MFHAS1: variants seen among roughly 807,000 people sequenced by gnomAD.
MFHAS1 encodes the protein multifunctional ROCO family signaling regulator 1.
Under a neutral mutation model 70.4 loss-of-function variants are expected in MFHAS1, and 50 were observed. That is an observed-to-expected ratio of 0.71 (90% CI 0.57 to 0.90). The LOEUF (loss-of-function observed/expected upper bound fraction) is 0.90, where lower values mean the gene tolerates loss of function less well. Ranked by LOEUF, MFHAS1 falls within the 40% of genes least tolerant of loss-of-function variation. The pLI is 0.00. For synonymous variants in MFHAS1, 952 were observed against 620.0 expected, an observed-to-expected ratio of 1.54 and a Z score of -7.96; for missense variants, 1,795 against 1,347.6, an observed-to-expected ratio of 1.33 and a Z score of -5.20.
chr8:8,885,094 T>C (rs1386591567), intron 1 of MFHAS1, among the ~76,000 whole-genome samples: 3 of 152,112 alleles, frequency 2.0e-5, no homozygotes, highest in African/African-American at 4.8e-5. Context: ...ATCAAAGATA[T>C]ATCATGACGC....
intron 1 of MFHAS1, among the ~76,000 whole-genome samples, chr8:8,805,479 G>T (rs945995690): frequency 6.6e-6 from 1 of 152,186 alleles, no homozygotes; most frequent in African/African-American, 2.4e-5. Flanking sequence ...TCATTAAGTG[G>T]AAGTAGACCA....
At chr8:8,786,108 A>C in intron 2 of MFHAS1, 53 bp from the exon 3 acceptor site, 6 of 1,469,630 alleles carry the variant, frequency 4.1e-6, no homozygotes, top group Non-Finnish European at 5.7e-6. Flanking sequence ...GTACTGGACA[A>C]TGCTACCCTC....
chr8:8,860,899 G>A (rs539067100), intron 1 of MFHAS1, among the ~76,000 whole-genome samples: 5 of 152,056 alleles, frequency 3.3e-5, no homozygotes, highest in South Asian at 4.2e-4. Flanking sequence ...GTATACATAC[G>A]TATACAAACC....
intron 1 of MFHAS1, among the ~76,000 whole-genome samples, chr8:8,824,397 G>C (rs1224930660): frequency 6.6e-6 from 1 of 152,086 alleles, no homozygotes; most frequent in Non-Finnish European, 1.5e-5. Context: ...TTTAGCCTCA[G>C]AAAAGATCCA....
At chr8:8,823,078 C>A (rs1433549812) in intron 1 of MFHAS1, among the ~76,000 whole-genome samples, 2 of 152,190 alleles carry the variant, frequency 1.3e-5, no homozygotes, top group Non-Finnish European at 2.9e-5. Context: ...CAGAGATTCT[C>A]TTCCCCATCC....
chr8:8,862,568 AG>A (rs922948634), intron 1 of MFHAS1, among the ~76,000 whole-genome samples: 1 of 152,184 alleles, frequency 6.6e-6, no homozygotes, highest in Non-Finnish European at 1.5e-5. Flanking sequence ...GTCTGCTGTT[AG>A]GGGGTGGAGG....
At chr8:8,846,328 AGTAGGAG>A (rs1808036728) in intron 1 of MFHAS1, among the ~76,000 whole-genome samples, 1 of 70,242 alleles carries the variant, frequency 1.4e-5, no homozygotes, top group Admixed American at 2.1e-4. Flanking sequence ...GAGAAGGAGG[AGTAGGAG>A]GGGGAGGAGG....
In MFHAS1 at chr8:8,865,978, C is replaced by T. The variant is rs553580267; in HGVS notation, c.2998+24083G>A. On this transcript the variant is annotated intron_variant, in intron 1 of 2. Coordinates refer to ENST00000276282, the MANE Select transcript of MFHAS1 (RefSeq NM_004225.3). ...GCCTACTCTCCTGACAGTGCAGCCA[C>T]GGAAAAAGTGCCAAAGCATGCCAAC... Among the ~76,000 whole-genome samples the T allele has an allele frequency of 1.7e-4, 26 of 152,290 alleles. No individual in the cohort carries two copies. In the South Asian group the frequency reaches 1.9e-3, roughly 11 times the overall value.
rs1809968812 is a variant in MFHAS1, at chr8:8,890,689, C to G, written c.2370G>C (p.Glu790Asp). 6.2e-7 allele frequency: 1 copy of G among 1,613,578 alleles called. No individual in the cohort carries two copies. Among genetic ancestry groups the G allele is most frequent in the Non-Finnish European group, 8.5e-7 (1 of 1,179,764 alleles). The change falls in exon 1 of 3, where the codon GAG becomes GAC. Residue 790 changes from glutamate to aspartate, a missense_variant. Transcript: ENST00000276282. Reference protein sequence around the residue: ...LRATQLHQYVEGFLLHGLLPA... With the variant: ...LRATQLHQYVDGFLLHGLLPA... ...GCAAGAGCCCATGCAACAGAAAGCC[C>G]TCCACATACTGATGGAGCTGGGTGG...
In MFHAS1 at chr8:8,867,758, C is replaced by T. The variant is rs138361066; in HGVS notation, c.2998+22303G>A. Among the ~76,000 whole-genome samples, 409 of 152,048 alleles carry T rather than the reference C, an allele frequency of 2.7e-3. 5 individuals carry two copies. Among genetic ancestry groups the T allele is most frequent in the African/African-American group, 9.6e-3 (396 of 41,458 alleles). On this transcript the variant is annotated intron_variant, in intron 1 of 2. Coordinates refer to ENST00000276282, the MANE Select transcript of MFHAS1 (RefSeq NM_004225.3). The stretch of plus-strand genomic sequence containing the variant: ...ATTTTTACTAGAGACGGGGTTTCAC[C>T]GTGTTAGGCAGGATTGTCTCGATCT...
intron 1 of MFHAS1, among the ~76,000 whole-genome samples, chr8:8,865,367 G>C (rs1487077627): frequency 1.3e-5 from 2 of 150,092 alleles, no homozygotes; most frequent in Non-Finnish European, 3.0e-5. Flanking sequence ...GCTCCACTTA[G>C]TTTAAGAAAC....
chr8:8,882,297 G>A (rs911582871), intron 1 of MFHAS1, among the ~76,000 whole-genome samples: 3 of 152,196 alleles, frequency 2.0e-5, no homozygotes, highest in Non-Finnish European at 4.4e-5. Flanking sequence ...GGCTGGGGCA[G>A]GAGAATCACT....
At chr8:8,798,493 A>C (rs1159583289) in intron 1 of MFHAS1, among the ~76,000 whole-genome samples, 1 of 151,880 alleles carries the variant, frequency 6.6e-6, no homozygotes, top group Non-Finnish European at 1.5e-5. Context: ...ATCTGGCTAA[A>C]TGTTAACCTT....
chr8:8,787,461 C>T (rs1172828988), intron 2 of MFHAS1, among the ~76,000 whole-genome samples: 1 of 152,122 alleles, frequency 6.6e-6, no homozygotes, highest in East Asian at 1.9e-4. Flanking sequence ...AGTGACAGAG[C>T]CAGGCCTTTC....
intron 1 of MFHAS1, among the ~76,000 whole-genome samples, chr8:8,850,995 A>G (rs551186286): frequency 6.6e-6 from 1 of 152,158 alleles, no homozygotes; most frequent in Non-Finnish European, 1.5e-5. Context: ...CACCCTGGGC[A>G]CTACACCTGC....
At chr8:8,835,431 T>C (rs1383857433) in intron 1 of MFHAS1, among the ~76,000 whole-genome samples, 1 of 152,212 alleles carries the variant, frequency 6.6e-6, no homozygotes, top group African/African-American at 2.4e-5. Flanking sequence ...ATACCCATCA[T>C]GCAGCCGCCA....
intron 1 of MFHAS1, among the ~76,000 whole-genome samples, chr8:8,861,428 A>G (rs763136656): frequency 7.2e-5 from 11 of 152,258 alleles, no homozygotes; most frequent in Non-Finnish European, 2.9e-5. Context: ...AAATCTGGAT[A>G]TATCTCCAAC....
chr8:8,796,269 G>C (rs570106738), intron 2 of MFHAS1, among the ~76,000 whole-genome samples: 1 of 152,240 alleles, frequency 6.6e-6, no homozygotes, highest in Admixed American at 6.5e-5. Context: ...TTCAGGGACT[G>C]ACTCCGCAAT....
chr8:8,861,137 G>C (rs559164784), intron 1 of MFHAS1, among the ~76,000 whole-genome samples: 15 of 152,138 alleles, frequency 9.9e-5, no homozygotes, highest in Non-Finnish European at 2.2e-4. Context: ...CTGAAAAGTG[G>C]TAGACATATA....
Sources: allele counts gnomAD v4.1 joint callset (sites outside exome capture counted in the v4.1 genomes callset), GRCh38; gene constraint gnomAD v4.1.1; transcripts MANE v1.5; gene names NCBI Gene and HGNC (gene_info 2026-07-23, HGNC 2026-07-21).